Variants in EXOC4 observed in about 807,000 individuals in gnomAD.
EXOC4 encodes SEC8-like 1.
In EXOC4, 71 loss-of-function variants were observed where a neutral mutation model predicts 107.2. The observed-to-expected ratio is 0.66, with a 90% CI of 0.55 to 0.81. EXOC4 has a LOEUF of 0.81. Ranked by LOEUF, EXOC4 falls within the 30% of genes least tolerant of loss-of-function variation. The pLI, the probability that EXOC4 is intolerant of heterozygous loss-of-function variation, is 0.00. For synonymous variants in EXOC4, 456 were observed against 441.2 expected, an observed-to-expected ratio of 1.03 and a Z score of -0.42; for missense variants, 1,108 against 1,189.6, an observed-to-expected ratio of 0.93 and a Z score of 1.01.
intron 14 of EXOC4, among the ~76,000 whole-genome samples, chr7:133,954,112 A>C (rs969247061): frequency 1.1e-4 from 16 of 152,264 alleles, no homozygotes; most frequent in African/African-American, 3.9e-4. Flanking sequence ...TACCTTCCCC[A>C]AATGGATAAG....
chr7:134,029,696 A>G (rs902787936), intron 17 of EXOC4, among the ~76,000 whole-genome samples: 3 of 152,014 alleles, frequency 2.0e-5, no homozygotes, highest in Admixed American at 6.6e-5. Context: ...ATTTTTTAAA[A>G]TTTTTGAAGA....
At chr7:133,588,071 A>G (rs1016157752) in intron 9 of EXOC4, among the ~76,000 whole-genome samples, 5 of 152,176 alleles carry the variant, frequency 3.3e-5, no homozygotes, top group African/African-American at 4.8e-5. Context: ...ACTTCTTTGT[A>G]TTCTTGCCCT....
At chr7:133,683,494 C>T (rs1001063686) in intron 10 of EXOC4, among the ~76,000 whole-genome samples, 1 of 152,066 alleles carries the variant, frequency 6.6e-6, no homozygotes, top group African/African-American at 2.4e-5. Flanking sequence ...TCATCTGAGC[C>T]ATTTTAACTA....
At chr7:133,770,708 A>G (rs187329532) in intron 10 of EXOC4, among the ~76,000 whole-genome samples, 4 of 152,018 alleles carry the variant, frequency 2.6e-5, no homozygotes, top group Admixed American at 1.3e-4. Flanking sequence ...AAATTCCAAA[A>G]TGCTCTGAGA....
chr7:133,286,376 T>C (rs1455873483), intron 2 of EXOC4, among the ~76,000 whole-genome samples: 5 of 152,250 alleles, frequency 3.3e-5, no homozygotes, highest in African/African-American at 1.2e-4. Context: ...TTCCTAAGGA[T>C]GTTAATTATA....
At chr7:133,721,900 TTTTG>T (rs919977009) in intron 10 of EXOC4, among the ~76,000 whole-genome samples, 9 of 152,150 alleles carry the variant, frequency 5.9e-5, no homozygotes, top group Non-Finnish European at 1.0e-4. Flanking sequence ...ACCCAGGAGT[TTTTG>T]TTTGTTTGTT....
intron 9 of EXOC4, among the ~76,000 whole-genome samples, chr7:133,608,625 C>T (rs1802007851): frequency 2.2e-5 from 3 of 134,056 alleles, no homozygotes; most frequent in African/African-American, 8.5e-5. Context: ...TCTTGGCTTA[C>T]TGCAGCCTCT....
intron 9 of EXOC4, among the ~76,000 whole-genome samples, chr7:133,610,990 T>C (rs1387432510): frequency 6.7e-6 from 1 of 149,174 alleles, no homozygotes; most frequent in African/African-American, 2.5e-5. Context: ...TTCTCTATTT[T>C]TTTTTTTTTT....
chr7:133,981,562 C>T (rs1027581360), intron 14 of EXOC4, among the ~76,000 whole-genome samples: 1 of 151,730 alleles, frequency 6.6e-6, no homozygotes, highest in East Asian at 1.9e-4. Context: ...CCATCTCACA[C>T]CAGTCAGAAT....
rs555534836 is a variant in EXOC4 at position 133,571,150 on chromosome 7, A to T, written c.1418-58895A>T. 1.4e-3 allele frequency among the ~76,000 whole-genome samples: 208 copies of T among 152,318 alleles called. 2 individuals are homozygous for T. Among genetic ancestry groups the T allele is most frequent in the African/African-American group, 4.8e-3 (199 of 41,582 alleles). On this transcript the variant is annotated intron_variant, in intron 9 of 17. Coordinates refer to ENST00000253861, the MANE Select transcript of EXOC4 (RefSeq NM_021807.4). ...TAAAGTGATTATTAAATGATTACTTATGTAGCTCTAGATCATGTAATGGTT... is the reference window on the plus strand; with the variant it reads ...TAAAGTGATTATTAAATGATTACTTTTGTAGCTCTAGATCATGTAATGGTT...
At chr7:133,362,090 A>C (rs959435339) in intron 6 of EXOC4, among the ~76,000 whole-genome samples, 2 of 152,016 alleles carry the variant, frequency 1.3e-5, no homozygotes, top group Non-Finnish European at 2.9e-5. Flanking sequence ...TGACTTCATG[A>C]TGTTTCTGGG....
At chr7:133,913,410 C>T (rs1035803881) in intron 12 of EXOC4, among the ~76,000 whole-genome samples, 2 of 152,154 alleles carry the variant, frequency 1.3e-5, no homozygotes, top group African/African-American at 4.8e-5. Context: ...CTTGTAGCTG[C>T]AGGCGAGAAG....
In EXOC4 at chr7:133,856,648, T is replaced by A. The variant is rs115216277; in HGVS notation, c.1735-38951T>A. 2.4e-3 allele frequency among the ~76,000 whole-genome samples: 366 copies of A among 152,308 alleles called. 5 individuals carry two copies. Among genetic ancestry groups the A allele is most frequent in the African/African-American group, 8.2e-3 (342 of 41,554 alleles). On this transcript the variant is annotated intron_variant, in intron 11 of 17. Coordinates refer to ENST00000253861, the MANE Select transcript of EXOC4 (RefSeq NM_021807.4). ...TCTTAGATATCATTTACATTTATAATAATAACTATGAATTGGAATGGGTAG... is the reference window on the plus strand; with the variant it reads ...TCTTAGATATCATTTACATTTATAAAAATAACTATGAATTGGAATGGGTAG...
chr7:133,759,235 T>C (rs1034422000), intron 10 of EXOC4, among the ~76,000 whole-genome samples: 1 of 152,104 alleles, frequency 6.6e-6, no homozygotes, highest in African/African-American at 2.4e-5. Context: ...CTCCTGCTTT[T>C]ATCTCCCGAA....
intron 9 of EXOC4, among the ~76,000 whole-genome samples, chr7:133,495,549 C>CT (rs748253723): frequency 6.6e-6 from 1 of 152,120 alleles, no homozygotes; most frequent in Non-Finnish European, 1.5e-5. Context: ...ATTTCTAACT[C>CT]TATCTCTTAG....
intron 10 of EXOC4, among the ~76,000 whole-genome samples, chr7:133,635,861 A>G (rs1030877853): frequency 5.9e-5 from 9 of 152,316 alleles, no homozygotes; most frequent in Middle Eastern, 3.4e-3. Context: ...TATCAGCTCT[A>G]TGGGATCAGG....
At position 133,873,469 on chromosome 7, in the gene EXOC4, G is replaced by A. The variant is rs151336130; in HGVS notation, c.1735-22130G>A. 2.0e-3 allele frequency among the ~76,000 whole-genome samples: 300 copies of A among 152,314 alleles called. 2 individuals carry two copies. Among genetic ancestry groups the A allele is most frequent in the African/African-American group, 6.7e-3 (279 of 41,576 alleles). ...ATCCTCAGAAAATGGGGAAAGTGAC[G>A]TCAAAGTAGTGGGTAGTGTGGATGT... On this transcript the variant is annotated intron_variant, in intron 11 of 17. Coordinates refer to ENST00000253861, the MANE Select transcript of EXOC4 (RefSeq NM_021807.4).
chr7:133,560,296 AT>A (rs913157628), intron 9 of EXOC4, among the ~76,000 whole-genome samples: 2 of 151,688 alleles, frequency 1.3e-5, no homozygotes, highest in Non-Finnish European at 2.9e-5. Context: ...TTATTTATTT[AT>A]TTTTTTAGAC....
At chr7:133,967,370 C>A (rs145196126) in intron 14 of EXOC4, among the ~76,000 whole-genome samples, 19 of 152,106 alleles carry the variant, frequency 1.2e-4, no homozygotes, top group Non-Finnish European at 2.5e-4. Flanking sequence ...CTTCTGCTAG[C>A]TTTTGAATTT....
Sources: allele counts gnomAD v4.1 joint callset (sites outside exome capture counted in the v4.1 genomes callset), GRCh38; gene constraint gnomAD v4.1.1; transcripts MANE v1.5; gene names NCBI Gene and HGNC (gene_info 2026-07-23, HGNC 2026-07-21).